Variants in MSRA observed in about 807,000 individuals in gnomAD.
MSRA encodes the protein mitochondrial peptide methionine sulfoxide reductase.
Under a neutral mutation model 31.3 loss-of-function variants are expected in MSRA, and 54 were observed. That is an observed-to-expected ratio of 1.73 (90% CI 1.39 to 2.17). The LOEUF (loss-of-function observed/expected upper bound fraction) is 2.17. Ranked by LOEUF, MSRA falls within the 30% of genes most tolerant of loss-of-function variation. The pLI is 0.00. For missense variants in MSRA, 507 were observed against 300.9 expected, an observed-to-expected ratio of 1.69 and a Z score of -5.07; for synonymous variants, 169 against 116.5, an observed-to-expected ratio of 1.45 and a Z score of -2.90.
At chr8:10,393,352 T>C (rs192742838) in intron 5 of MSRA, among the ~76,000 whole-genome samples, 37 of 152,284 alleles carry the variant, frequency 2.4e-4, no homozygotes, top group African/African-American at 8.4e-4. Flanking sequence ...CAGACTCAAA[T>C]CCAAAGTTAT....
chr8:10,317,474 A>G (rs1026130559), intron 4 of MSRA, among the ~76,000 whole-genome samples: 2 of 152,112 alleles, frequency 1.3e-5, no homozygotes, highest in Non-Finnish European at 2.9e-5. Flanking sequence ...GAAACCTCAG[A>G]GCAGTCTTAG....
chr8:10,147,088 G>A (rs1380565951), intron 1 of MSRA, among the ~76,000 whole-genome samples: 1 of 152,142 alleles, frequency 6.6e-6, no homozygotes, highest in African/African-American at 2.4e-5. Flanking sequence ...GAAATCAGGT[G>A]ACAAATGTAA....
intron 5 of MSRA, among the ~76,000 whole-genome samples, chr8:10,375,971 C>A (rs1299949738): frequency 6.6e-6 from 1 of 152,208 alleles, no homozygotes; most frequent in Non-Finnish European, 1.5e-5. Flanking sequence ...GGCGTGATTA[C>A]TAACTTGAGT....
At chr8:10,149,704 A>G (rs1433273377) in intron 1 of MSRA, among the ~76,000 whole-genome samples, 2 of 151,824 alleles carry the variant, frequency 1.3e-5, no homozygotes, top group South Asian at 2.1e-4. Context: ...AGTTCTCTTT[A>G]GAAAATAAAT....
chr8:10,390,354 A>G (rs112602859), intron 5 of MSRA, among the ~76,000 whole-genome samples: 2 of 152,164 alleles, frequency 1.3e-5, no homozygotes, highest in Non-Finnish European at 1.5e-5. Flanking sequence ...TCCAGGACAG[A>G]TGACCAAACT....
intron 4 of MSRA, among the ~76,000 whole-genome samples, chr8:10,312,925 C>T (rs926386766): frequency 6.6e-6 from 1 of 152,150 alleles, no homozygotes; most frequent in Non-Finnish European, 1.5e-5. Context: ...CTATAGCAAG[C>T]ATTGTATTTA....
At chr8:10,376,222 G>T (rs919519806) in intron 5 of MSRA, among the ~76,000 whole-genome samples, 1 of 152,146 alleles carries the variant, frequency 6.6e-6, no homozygotes, top group African/African-American at 2.4e-5. Context: ...GTACATGGGC[G>T]ATCACATGTC....
intron 5 of MSRA, among the ~76,000 whole-genome samples, chr8:10,380,564 G>T (rs1806006030): frequency 6.6e-6 from 1 of 152,188 alleles, no homozygotes; most frequent in Admixed American, 6.5e-5. Context: ...CTCTTCCAGG[G>T]ACAGTCCAAG....
intron 1 of MSRA, among the ~76,000 whole-genome samples, chr8:10,172,199 C>T (rs1329055382): frequency 1.3e-5 from 2 of 152,072 alleles, no homozygotes; most frequent in African/African-American, 2.4e-5. Flanking sequence ...GATCTGGTCA[C>T]GGGAGTATGG....
At chr8:10,290,085 T>C (rs1373775285) in intron 3 of MSRA, among the ~76,000 whole-genome samples, 1 of 152,220 alleles carries the variant, frequency 6.6e-6, no homozygotes, top group Non-Finnish European at 1.5e-5. Flanking sequence ...GTGGCCTCTC[T>C]AGCAGATTAT....
At chr8:10,373,936 C>T (rs1475904366) in intron 5 of MSRA, among the ~76,000 whole-genome samples, 5 of 152,144 alleles carry the variant, frequency 3.3e-5, no homozygotes, top group Non-Finnish European at 5.9e-5. Flanking sequence ...CATGGGCTTT[C>T]GGAACCCATG....
At chr8:10,107,903 C>G (rs1321578694) in intron 1 of MSRA, among the ~76,000 whole-genome samples, 1 of 152,180 alleles carries the variant, frequency 6.6e-6, no homozygotes, top group Non-Finnish European at 1.5e-5. Context: ...GAGAGCATCC[C>G]TAATCTCCTT....
At chr8:10,129,744 A>C (rs1801764398) in intron 1 of MSRA, among the ~76,000 whole-genome samples, 3 of 152,166 alleles carry the variant, frequency 2.0e-5, no homozygotes, top group African/African-American at 7.2e-5. Flanking sequence ...AGTTATTAGG[A>C]AAAATAAAGA....
intron 5 of MSRA, among the ~76,000 whole-genome samples, chr8:10,371,355 T>A (rs1480629677): frequency 6.6e-6 from 1 of 152,046 alleles, no homozygotes; most frequent in East Asian, 1.9e-4. Context: ...GAGAGTGTCC[T>A]CAGTCCCCAA....
At chr8:10,171,969 C>G (rs146296201) in intron 1 of MSRA, among the ~76,000 whole-genome samples, 1 of 152,162 alleles carries the variant, frequency 6.6e-6, no homozygotes, top group Non-Finnish European at 1.5e-5. Context: ...GTAATGGAAC[C>G]AGAGGAACTT....
At chr8:10,424,509 G>A (rs1464696047) in intron 5 of MSRA, among the ~76,000 whole-genome samples, 1 of 149,784 alleles carries the variant, frequency 6.7e-6, no homozygotes, top group African/African-American at 2.5e-5. Context: ...GAATAGGATC[G>A]GGGAGAAGGG....
At chr8:10,071,491 A>G (rs559963939) in intron 1 of MSRA, among the ~76,000 whole-genome samples, 3 of 144,192 alleles carry the variant, frequency 2.1e-5, no homozygotes, top group African/African-American at 7.7e-5. Context: ...ACTTGTACAG[A>G]GTAAAAGTTT....
At chr8:10,124,584 C>G (rs529864771) in intron 1 of MSRA, among the ~76,000 whole-genome samples, 1 of 152,150 alleles carries the variant, frequency 6.6e-6, no homozygotes, top group Admixed American at 6.5e-5. Context: ...AAATAAGTTT[C>G]CTTTATGAGA....
In MSRA at chr8:10,054,366, TCCAGCCCCG is replaced by T; in HGVS notation, c.-145_-137del. 1 of 753,164 alleles carries T rather than the reference TCCAGCCCCG, an allele frequency of 1.3e-6. No individual in the cohort carries two copies. Among genetic ancestry groups the T allele is most frequent in the Middle Eastern group, 4.6e-4 (1 of 2,186 alleles). 46.7% of individuals were successfully genotyped at this position (753,164 alleles called of 1,614,324 possible). On this transcript the variant is annotated 5_prime_UTR_variant, in exon 1 of 6. Coordinates refer to ENST00000317173, the MANE Select transcript of MSRA (RefSeq NM_012331.5). ...TGGGCAACCTCGATTACGGGCGGCCTCCAGCCCCGCCAGCAGCGCCCCGCGCCCGCCCGC... is the reference window on the plus strand; with the variant it reads ...TGGGCAACCTCGATTACGGGCGGCCTCCAGCAGCGCCCCGCGCCCGCCCGC...
Sources: gnomAD v4.1 joint callset for allele counts (sites outside exome capture counted in the v4.1 genomes callset) on GRCh38, gnomAD v4.1.1 for gene constraint, MANE v1.5 for transcripts, NCBI Gene and HGNC (gene_info 2026-07-23, HGNC 2026-07-21) for gene names.